The following OTOGL variants were observed in gnomAD, a reference collection of about 807,000 sequenced individuals.
OTOGL encodes otogelin like, also known as otogelin-like protein.
A neutral mutation model predicts 318.5 loss-of-function variants in OTOGL; 285 were observed. The observed-to-expected ratio is 0.89, with a 90% CI of 0.81 to 0.99. The LOEUF is 0.99. Ranked by LOEUF, OTOGL falls within the 50% of genes least tolerant of loss-of-function variation. OTOGL has a pLI of 0.00. For missense variants in OTOGL, 2,899 were observed against 2,845.6 expected (o/e 1.02, Z -0.43); for synonymous variants, 987 against 936.5 (o/e 1.05, Z -0.99).
chr12:80,267,918 G>C (rs1016492460), intron 22 of OTOGL, among the ~76,000 whole-genome samples: 4 of 151,828 alleles, frequency 2.6e-5, no homozygotes, highest in Non-Finnish European at 5.9e-5. Context: ...TTATTAGATA[G>C]AAGTTAGGGG....
intron 1 of OTOGL, among the ~76,000 whole-genome samples, chr12:80,185,663 C>T (rs1592527687): frequency 6.6e-6 from 1 of 152,172 alleles, no homozygotes; most frequent in South Asian, 2.1e-4. Flanking sequence ...GCTTCATAAT[C>T]TTGTTTTGTT....
At chr12:80,135,880 G>A (rs1293979206) in intron 1 of OTOGL, among the ~76,000 whole-genome samples, 1 of 152,170 alleles carries the variant, frequency 6.6e-6, no homozygotes, top group Non-Finnish European at 1.5e-5. Flanking sequence ...ACCTGAGTGA[G>A]AGAGAATTCT....
At chr12:80,342,973 C>T (rs1244005415) in intron 44 of OTOGL, among the ~76,000 whole-genome samples, 1 of 152,082 alleles carries the variant, frequency 6.6e-6, no homozygotes, top group Non-Finnish European at 1.5e-5. Context: ...CCTCTGCCTC[C>T]CAGGTTCAAG....
rs186300784 is a variant in OTOGL at position 80,185,391 on chromosome 12, C to T, written c.-19-24022C>T. On this transcript the variant is annotated intron_variant, in intron 1 of 58. Transcript: ENST00000547103. ...TCTGCCTCCTGGGTTCAAGTGATTC[C>T]GATTCCCCTGCCTCAGCCTCCCAAG... Among the ~76,000 whole-genome samples the T allele has an allele frequency of 7.4e-4, 113 of 152,150 alleles. No individual in the cohort carries two copies. The South Asian group carries it at 0.01, about 14-fold the overall frequency.
chr12:80,141,209 A>T (rs1057398633), intron 1 of OTOGL, among the ~76,000 whole-genome samples: 2 of 151,926 alleles, frequency 1.3e-5, no homozygotes, highest in Non-Finnish European at 2.9e-5. Flanking sequence ...AAAAGGCAAG[A>T]TTTTTTTTAT....
At chr12:80,335,880 G>A (rs1888359942) in intron 38 of OTOGL, 83 bp from the exon 39 acceptor site, 4 of 1,252,400 alleles carry the variant, frequency 3.2e-6, no homozygotes, top group Non-Finnish European at 4.2e-6. Flanking sequence ...GTACACCATG[G>A]GCAATATGAA....
intron 52 of OTOGL, among the ~76,000 whole-genome samples, chr12:80,363,017 G>A (rs1301248373): frequency 6.6e-6 from 1 of 152,012 alleles, no homozygotes; most frequent in African/African-American, 2.4e-5. Flanking sequence ...GAAATGCAGT[G>A]GCACAATCAT....
At chr12:80,161,641 C>CT (rs1244409865) in intron 1 of OTOGL, among the ~76,000 whole-genome samples, 1 of 152,016 alleles carries the variant, frequency 6.6e-6, no homozygotes, top group Non-Finnish European at 1.5e-5. Flanking sequence ...TCTTAGATAA[C>CT]TAAGTTCTCA....
chr12:80,130,530 C>A (rs150369122), intron 1 of OTOGL, among the ~76,000 whole-genome samples: 1 of 152,106 alleles, frequency 6.6e-6, no homozygotes, highest in African/African-American at 2.4e-5. Context: ...AGATGTTATA[C>A]AAGTTCTCAA....
chr12:80,147,792 C>A (rs1335276547), intron 1 of OTOGL, among the ~76,000 whole-genome samples: 1 of 152,112 alleles, frequency 6.6e-6, no homozygotes, highest in Non-Finnish European at 1.5e-5. Context: ...TTGAATTGAT[C>A]CCTTTACCAT....
chr12:80,210,755 A>G (rs1032810525), intron 2 of OTOGL, 92 bp from the exon 3 acceptor site: 21 of 966,336 alleles, frequency 2.2e-5, no homozygotes, highest in Non-Finnish European at 3.0e-5. Context: ...GAATTTTAGA[A>G]TTTAGGTTAA....
chr12:80,218,785 C>CTTTT (rs1877987259), intron 5 of OTOGL, among the ~76,000 whole-genome samples: 3 of 140,678 alleles, frequency 2.1e-5, no homozygotes, highest in Non-Finnish European at 3.1e-5. Flanking sequence ...CTTTTTTTTT[C>CTTTT]TTTTTCTTTC....
chr12:80,369,071 T>C (rs1164359183), intron 55 of OTOGL, among the ~76,000 whole-genome samples: 1 of 151,998 alleles, frequency 6.6e-6, no homozygotes, highest in African/African-American at 2.4e-5. Context: ...TACAAATCAG[T>C]ATTTGTTCCT....
chr12:80,211,990 C>G lies in OTOGL; in HGVS notation c.161C>G (p.Ala54Gly). The change falls in exon 4 of 59, where the codon GCA becomes GGA. Residue 54 changes from alanine (A) to glycine (G), a missense_variant. Around this residue, in one of 3 missense-constraint regions of OTOGL, gnomAD observed 2,607 missense variants for 2,524.9 expected, o/e 1.03. Coordinates refer to ENST00000547103, the MANE Select transcript of OTOGL (RefSeq NM_001378609.3). ...NENRQKRALL[A>G]AQFEATSPRY... ...AATCGACAGAAAAGAGCTCTTTTAG[C>G]AGCACAGGTAGGTTATGCTTCAGGT... The G allele has an allele frequency of 6.3e-7, 1 of 1,576,268 alleles. No homozygotes were observed.
At chr12:80,306,599 G>T (rs1223920328) in intron 29 of OTOGL, among the ~76,000 whole-genome samples, 4 of 151,782 alleles carry the variant, frequency 2.6e-5, no homozygotes, top group African/African-American at 4.8e-5. Context: ...TTTTGAGTGT[G>T]GTCTAAGCTT....
chr12:80,124,357 G>T (rs1162222340), intron 1 of OTOGL, among the ~76,000 whole-genome samples: 1 of 152,168 alleles, frequency 6.6e-6, no homozygotes, highest in Non-Finnish European at 1.5e-5. Flanking sequence ...TAGATATGCG[G>T]TATTAATTCT....
intron 11 of OTOGL, among the ~76,000 whole-genome samples, chr12:80,242,518 A>G (rs1306975610): frequency 6.6e-6 from 1 of 152,150 alleles, no homozygotes; most frequent in East Asian, 1.9e-4. Context: ...TCCATTCTGT[A>G]GGAAATGAGT....
intron 1 of OTOGL, among the ~76,000 whole-genome samples, chr12:80,147,970 C>T (rs575269601): frequency 4.6e-5 from 7 of 152,232 alleles, no homozygotes; most frequent in East Asian, 1.9e-4. Flanking sequence ...AGATGGGTTT[C>T]CTGAATACAG....
chr12:80,367,244 G>T (rs1890599017), intron 53 of OTOGL, among the ~76,000 whole-genome samples: 1 of 151,632 alleles, frequency 6.6e-6, no homozygotes, highest in East Asian at 1.9e-4. Context: ...CAAAGTACTG[G>T]GATTATAGGC....
Sources: allele counts gnomAD v4.1 joint callset (sites outside exome capture counted in the v4.1 genomes callset), GRCh38; gene constraint gnomAD v4.1.1; regional missense constraint gnomAD v4.1.1; transcripts MANE v1.5; gene names NCBI Gene and HGNC (gene_info 2026-07-23, HGNC 2026-07-21).